Variants in PRKCA observed in about 807,000 individuals in gnomAD.
The protein encoded by PRKCA is protein kinase C alpha type.
PRKCA carries 27 observed loss-of-function variants against 87.0 expected under a neutral mutation model. The observed-to-expected ratio is 0.31, with a 90% CI of 0.23 to 0.43. PRKCA has a LOEUF of 0.43. PRKCA is among the 20% of genes least tolerant of loss of function. PRKCA has a pLI of 1.00. For missense variants in PRKCA, 518 were observed against 852.3 expected (o/e 0.61, Z 4.88); for synonymous variants, 329 against 311.1 (o/e 1.06, Z -0.61).
intron 3 of PRKCA, among the ~76,000 whole-genome samples, chr17:66,559,984 G>A (rs1968630251): frequency 2.0e-5 from 3 of 152,206 alleles, no homozygotes; most frequent in Admixed American, 2.0e-4. Flanking sequence ...CAGGAGCCTG[G>A]AGCACATTGG....
intron 5 of PRKCA, among the ~76,000 whole-genome samples, chr17:66,655,178 A>T (rs956975210): frequency 9.2e-5 from 14 of 152,290 alleles, no homozygotes; most frequent in African/African-American, 3.4e-4. Flanking sequence ...TCCCATTCAA[A>T]TGCGTATGCT....
intron 3 of PRKCA, among the ~76,000 whole-genome samples, chr17:66,633,202 T>C (rs1389883089): frequency 6.6e-6 from 1 of 152,186 alleles, no homozygotes; most frequent in Non-Finnish European, 1.5e-5. Context: ...ATAATTACAG[T>C]GGTCCCCAAG....
intron 2 of PRKCA, among the ~76,000 whole-genome samples, chr17:66,478,087 A>G (rs573824297): frequency 1.8e-4 from 28 of 152,274 alleles, no homozygotes; most frequent in Admixed American, 8.5e-4. Flanking sequence ...GAGTGCTTCA[A>G]TGTTTAAAGG....
chr17:66,501,057 A>G (rs1916710283), intron 3 of PRKCA, among the ~76,000 whole-genome samples: 1 of 152,198 alleles, frequency 6.6e-6, no homozygotes, highest in South Asian at 2.1e-4. Context: ...ACACATTCAC[A>G]GACGGGGAAA....
chr17:66,544,973 G>T (rs78477484), intron 3 of PRKCA, among the ~76,000 whole-genome samples: 2,743 of 152,284 alleles, frequency 0.018, 70 homozygotes, highest in African/African-American at 0.062. Context: ...CTATTTTACA[G>T]ATCACGAAAT....
intron 5 of PRKCA, among the ~76,000 whole-genome samples, chr17:66,649,414 T>C (rs891157651): frequency 2.6e-5 from 4 of 152,246 alleles, no homozygotes; most frequent in African/African-American, 9.6e-5. Context: ...ACCTTTATGC[T>C]CAGCATTTTA....
At chr17:66,368,399 T>A (rs1405516650) in intron 2 of PRKCA, among the ~76,000 whole-genome samples, 8 of 118,554 alleles carry the variant, frequency 6.7e-5, no homozygotes, top group South Asian at 3.0e-4. Context: ...TTTTTTTTTT[T>A]TTTTTTTTTT....
At chr17:66,639,776 C>T (rs914248018) in intron 3 of PRKCA, among the ~76,000 whole-genome samples, 78 of 152,084 alleles carry the variant, frequency 5.1e-4, no homozygotes, top group Non-Finnish European at 1.0e-3. Flanking sequence ...GCAAGTAGAT[C>T]ACCTGATGTC....
At chr17:66,770,435 A>G (rs1408897495) in intron 13 of PRKCA, among the ~76,000 whole-genome samples, 1 of 152,178 alleles carries the variant, frequency 6.6e-6, no homozygotes, top group East Asian at 1.9e-4. Context: ...ATGGTATAGC[A>G]GTTCTGTGTT....
chr17:66,521,049 C>T (rs936194413), intron 3 of PRKCA, among the ~76,000 whole-genome samples: 4 of 152,162 alleles, frequency 2.6e-5, no homozygotes, highest in African/African-American at 9.6e-5. Flanking sequence ...CTTGTGGCAG[C>T]CTCAGGACTC....
intron 8 of PRKCA, among the ~76,000 whole-genome samples, chr17:66,690,787 C>T (rs571739625): frequency 1.9e-4 from 28 of 146,800 alleles, no homozygotes; most frequent in African/African-American, 7.2e-4. Flanking sequence ...GAGTTTGTGC[C>T]ACTGCACTCC....
At chr17:66,465,414 A>G (rs143320795) in intron 2 of PRKCA, among the ~76,000 whole-genome samples, 3 of 152,060 alleles carry the variant, frequency 2.0e-5, no homozygotes, top group East Asian at 1.9e-4. Flanking sequence ...AATTTTTGAG[A>G]TAGGTCTTAC....
intron 3 of PRKCA, among the ~76,000 whole-genome samples, chr17:66,511,248 ATCT>A (rs775180353): frequency 1.0e-3 from 158 of 152,274 alleles, no homozygotes; most frequent in Non-Finnish European, 1.2e-4. Flanking sequence ...CTCGAAAATG[ATCT>A]TCTCTGTGGA....
intron 2 of PRKCA, chr17:66,339,674 G>A (rs1906921241): frequency 6.6e-6 from 1 of 152,106 alleles, no homozygotes; most frequent in South Asian, 2.1e-4. Flanking sequence ...TTGAAAAATG[G>A]TAAACTGCAG....
intron 2 of PRKCA, among the ~76,000 whole-genome samples, chr17:66,481,246 C>T (rs900898354): frequency 3.9e-5 from 6 of 152,068 alleles, no homozygotes; most frequent in African/African-American, 1.2e-4. Context: ...CCAGGGGGGC[C>T]CCTGAGCGAA....
At chr17:66,593,861 A>G (rs997420967) in intron 3 of PRKCA, among the ~76,000 whole-genome samples, 2 of 152,180 alleles carry the variant, frequency 1.3e-5, no homozygotes, top group Non-Finnish European at 2.9e-5. Flanking sequence ...AGGCAGATGG[A>G]TCACCTGAGG....
At chr17:66,440,722 A>G (rs1913692889) in intron 2 of PRKCA, among the ~76,000 whole-genome samples, 1 of 152,126 alleles carries the variant, frequency 6.6e-6, no homozygotes, top group Non-Finnish European at 1.5e-5. Flanking sequence ...ACACTCTTCA[A>G]GATCCCAGCA....
intron 2 of PRKCA, among the ~76,000 whole-genome samples, chr17:66,474,753 G>T (rs965116173): frequency 6.6e-6 from 1 of 152,170 alleles, no homozygotes; most frequent in Non-Finnish European, 1.5e-5. Flanking sequence ...TTCTCAATGT[G>T]GTTGAATTCG....
intron 3 of PRKCA, among the ~76,000 whole-genome samples, chr17:66,520,355 A>T (rs1967119729): frequency 1.3e-5 from 2 of 152,006 alleles, no homozygotes; most frequent in South Asian, 4.2e-4. Flanking sequence ...TCCTGACCTC[A>T]GGTGATCCAC....
Sources: allele counts gnomAD v4.1 joint callset (sites outside exome capture counted in the v4.1 genomes callset), GRCh38; gene constraint gnomAD v4.1.1; transcripts MANE v1.5; gene names NCBI Gene and HGNC (gene_info 2026-07-23, HGNC 2026-07-21).